C9: variants seen among roughly 807,000 people sequenced by gnomAD.
C9 encodes the protein complement component C9.
Under a neutral mutation model 65.4 loss-of-function variants are expected in C9, and 63 were observed. The ratio of observed to expected loss-of-function variants is 0.96; its 90% CI spans 0.79 to 1.19. The LOEUF (loss-of-function observed/expected upper bound fraction) is 1.19, where lower values mean the gene tolerates loss of function less well. Among genes scored for constraint, C9 ranks in the 50% most tolerant of loss-of-function variants. The pLI is 0.00. For synonymous variants in C9, 229 were observed against 227.9 expected (o/e 1.00, Z -0.04); for missense variants, 744 against 670.1 (o/e 1.11, Z -1.22).
intron 7 of C9, among the ~76,000 whole-genome samples, chr5:39,309,436 A>G (rs1342284483): frequency 6.6e-6 from 1 of 152,186 alleles, no homozygotes; most frequent in Non-Finnish European, 1.5e-5. Context: ...CACCTATCAA[A>G]TATTTCTCAT....
chr5:39,339,826 A>AT (rs1246732757), intron 4 of C9, among the ~76,000 whole-genome samples: 12 of 151,402 alleles, frequency 7.9e-5, no homozygotes, highest in African/African-American at 2.2e-4. Flanking sequence ...TGCCCTGCTG[A>AT]TTTTTTGTAT....
intron 9 of C9, among the ~76,000 whole-genome samples, chr5:39,295,302 A>G (rs1753164823): frequency 6.6e-6 from 1 of 151,854 alleles, no homozygotes; most frequent in African/African-American, 2.4e-5. Flanking sequence ...TTATATGTAG[A>G]AAATCCTAAA....
At chr5:39,341,319 A>C in intron 3 of C9, 26 bp from the exon 4 acceptor site, 1 of 1,611,956 alleles carries the variant, frequency 6.2e-7, no homozygotes, top group Non-Finnish European at 8.5e-7. Context: ...GGAGAGACTC[A>C]ATGTATCTAA....
At chr5:39,288,974 AT>A (rs763159665) in intron 9 of C9, 23 bp from the exon 10 acceptor site, 26 of 1,295,486 alleles carry the variant, frequency 2.0e-5, no homozygotes, top group Admixed American at 5.1e-5. Flanking sequence ...AAAACATTTA[AT>A]TTTAGGTCCT....
intron 9 of C9, among the ~76,000 whole-genome samples, chr5:39,291,351 T>C (rs548529202): frequency 1.3e-5 from 2 of 151,630 alleles, no homozygotes; most frequent in African/African-American, 4.8e-5. Flanking sequence ...AATTGCAATA[T>C]AGGTAAGAAG....
At chr5:39,357,980 A>G (rs1473365759) in intron 1 of C9, among the ~76,000 whole-genome samples, 1 of 152,096 alleles carries the variant, frequency 6.6e-6, no homozygotes, top group African/African-American at 2.4e-5. Flanking sequence ...AGAGAGAGAG[A>G]TATTCCTAAA....
intron 4 of C9, among the ~76,000 whole-genome samples, chr5:39,334,164 G>A (rs2111936179): frequency 6.6e-6 from 1 of 151,626 alleles, no homozygotes; most frequent in East Asian, 2.0e-4. Context: ...CCTAGGAAGT[G>A]AGGAGCGCCT....
In C9 at chr5:39,315,862, T is replaced by A; in HGVS notation, c.783A>T (p.Ser261=). Residue 261 remains serine (S), a synonymous_variant, in exon 6 of 11, where the codon TCA becomes TCT. Coordinates refer to ENST00000263408, the MANE Select transcript of C9 (RefSeq NM_001737.5). ...AEQCCEETAS[S]ISLHGKGSFR... The stretch of plus-strand genomic sequence containing the variant: ...AACTACCCTTGCCATGTAAAGAAAT[T>A]GAGGAGGCTGTTTCCTCACAACATT... The A allele has an allele frequency of 6.2e-7, 1 of 1,612,772 alleles. No individual in the cohort carries two copies. The highest frequency in any genetic ancestry group is 8.5e-7 in the Non-Finnish European group (1 of 1,178,920).
intron 1 of C9, among the ~76,000 whole-genome samples, chr5:39,356,278 A>G (rs1322289377): frequency 6.6e-6 from 1 of 152,202 alleles, no homozygotes; most frequent in East Asian, 1.9e-4. Flanking sequence ...TCTAGACTCG[A>G]CAACTCTTAG....
chr5:39,352,802 T>G (rs1754344497), intron 1 of C9, among the ~76,000 whole-genome samples: 2 of 152,138 alleles, frequency 1.3e-5, no homozygotes, highest in African/African-American at 4.8e-5. Context: ...AAACCTTCAG[T>G]AGCTTCCCAC....
chr5:39,312,934 A>G (rs940952618), intron 6 of C9, among the ~76,000 whole-genome samples: 2 of 152,110 alleles, frequency 1.3e-5, no homozygotes, highest in African/African-American at 4.8e-5. Flanking sequence ...TATAGGTCAT[A>G]TGAGCTCTTC....
chr5:39,307,009 CTT>C (rs1463564614), intron 8 of C9, among the ~76,000 whole-genome samples: 3 of 152,128 alleles, frequency 2.0e-5, no homozygotes, highest in Non-Finnish European at 4.4e-5. Flanking sequence ...TCTGTCATCT[CTT>C]TTAAAAAATA....
chr5:39,360,420 T>C (rs1051852538), intron 1 of C9, among the ~76,000 whole-genome samples: 1 of 152,072 alleles, frequency 6.6e-6, no homozygotes, highest in African/African-American at 2.4e-5. Context: ...TTTCAGGTCT[T>C]CTAAACCCCA....
rs779906370 is a variant in C9, at chr5:39,342,151, T to G, written c.123A>C (p.Ile41=). The G allele has an allele frequency of 1.1e-5, 17 of 1,609,994 alleles. 1 individual carries two copies. The Admixed American group carries it at 2.7e-4, about 25-fold the overall frequency. Reference sequence around the variant, plus strand: ...CACTCCAGGGGCTCATTCTGCAGTCTATGTGTGATGCAGAGCCACTGCTTT... The same window carrying G: ...CACTCCAGGGGCTCATTCTGCAGTCGATGTGTGATGCAGAGCCACTGCTTT... ...LTESSGSASH[I]DCRMSPWSEW... is the part of the protein sequence containing the mutation. Residue 41 remains isoleucine, a synonymous_variant, in exon 2 of 11, where the codon ATA becomes ATC. Transcript: ENST00000263408.
chr5:39,360,449 A>T (rs1754495725), intron 1 of C9, among the ~76,000 whole-genome samples: 1 of 152,180 alleles, frequency 6.6e-6, no homozygotes, highest in Non-Finnish European at 1.5e-5. Flanking sequence ...CTCCTTAGTT[A>T]TTTAAAAAGT....
chr5:39,304,990 T>C (rs532738259), intron 9 of C9, among the ~76,000 whole-genome samples: 49 of 152,292 alleles, frequency 3.2e-4, no homozygotes, highest in Non-Finnish European at 6.2e-4. Context: ...GAGAACACTC[T>C]TGAATTTGTA....
At chr5:39,287,747 C>T (rs571988848) in intron 10 of C9, among the ~76,000 whole-genome samples, 5 of 151,988 alleles carry the variant, frequency 3.3e-5, no homozygotes, top group African/African-American at 9.6e-5. Context: ...ACCACATGTT[C>T]TCGCTTATAA....
At chr5:39,326,757 T>C (rs1753753553) in intron 5 of C9, among the ~76,000 whole-genome samples, 1 of 152,228 alleles carries the variant, frequency 6.6e-6, no homozygotes, top group Non-Finnish European at 1.5e-5. Context: ...AGGTATGTAA[T>C]AAGCTTTATC....
At chr5:39,320,791 G>A (rs180830571) in intron 5 of C9, among the ~76,000 whole-genome samples, 9 of 152,204 alleles carry the variant, frequency 5.9e-5, no homozygotes, top group Non-Finnish European at 1.0e-4. Flanking sequence ...AGAACAACTC[G>A]TCACATATGA....
Sources: gnomAD v4.1 joint callset for allele counts (sites outside exome capture counted in the v4.1 genomes callset) on GRCh38, gnomAD v4.1.1 for gene constraint, MANE v1.5 for transcripts, NCBI Gene and HGNC (gene_info 2026-07-23, HGNC 2026-07-21) for gene names.